The following SOD2 variants were observed in gnomAD, a reference collection of about 807,000 sequenced individuals.
SOD2 encodes the protein superoxide dismutase 2, also known as superoxide dismutase [Mn], mitochondrial.
A neutral mutation model predicts 27.0 loss-of-function variants in SOD2; 11 were observed. The ratio of observed to expected loss-of-function variants is 0.41; its 90% CI spans 0.26 to 0.67. The LOEUF is 0.67. SOD2 is among the 30% of genes least tolerant of loss of function. The probability of loss-of-function intolerance (pLI) is 0.34; values close to 1 mark genes in which losing one functional copy is unlikely to be tolerated. For missense variants in SOD2, 250 were observed against 274.5 expected (o/e 0.91, Z 0.63); for synonymous variants, 105 against 103.0 (o/e 1.02, Z -0.12).
chr6:159,741,171 T>C (rs1228100610), intron 1 of SOD2, among the ~76,000 whole-genome samples: 3 of 152,176 alleles, frequency 2.0e-5, no homozygotes, highest in Non-Finnish European at 4.4e-5. Flanking sequence ...AACTGCCTAA[T>C]AAGACTAGGA....
intron 1 of SOD2, among the ~76,000 whole-genome samples, chr6:159,710,672 C>G (rs1777717556): frequency 6.6e-6 from 1 of 151,816 alleles, no homozygotes; most frequent in African/African-American, 2.4e-5. Context: ...AGAACGTGGT[C>G]ATATCCCCTC....
At chr6:159,713,535 T>C in intron 1 of SOD2, 1 of 710,630 alleles carries the variant, frequency 1.4e-6, no homozygotes. Context: ...GCACAAAGGC[T>C]TCCCCTGTGC....
exon 1 of SOD2, chr6:159,761,888 CGCCCCGCG>C: frequency 3.0e-6 from 1 of 338,370 alleles, no homozygotes; most frequent in Middle Eastern, 9.1e-4. Flanking sequence ...CCGCGCCCCG[CGCCCCGCG>C]CGCCTCCGCC....
At chr6:159,730,349 A>G (rs1264137190), upstream of SOD2, among the ~76,000 whole-genome samples, 1 of 152,200 alleles carries the variant, frequency 6.6e-6, no homozygotes. Context: ...TTTTTCTGAT[A>G]CGAGAATAGA....
upstream of SOD2, among the ~76,000 whole-genome samples, chr6:159,746,009 AT>A (rs1779555179): frequency 6.6e-6 from 1 of 152,206 alleles, no homozygotes; most frequent in African/African-American, 2.4e-5. Context: ...CAAAGATCAA[AT>A]TTTAAAAGAA....
chr6:159,735,722 C>G (rs1020333285), intron 1 of SOD2, among the ~76,000 whole-genome samples: 1 of 152,016 alleles, frequency 6.6e-6, no homozygotes, highest in African/African-American at 2.4e-5. Context: ...GCACTCCATC[C>G]TGGGCGACAG....
At chr6:159,717,937 A>G (rs951824585) in intron 1 of SOD2, among the ~76,000 whole-genome samples, 2 of 150,612 alleles carry the variant, frequency 1.3e-5, no homozygotes, top group Admixed American at 6.6e-5. Flanking sequence ...GTATATGTGT[A>G]TATATATATA....
At chr6:159,746,749 A>G (rs138686774), upstream of SOD2, among the ~76,000 whole-genome samples, 2 of 152,176 alleles carry the variant, frequency 1.3e-5, no homozygotes, top group African/African-American at 4.8e-5. Flanking sequence ...TCTTTTGCCA[A>G]TCAACTCAAA....
At position 159,679,234 on chromosome 6, in the gene SOD2, T is replaced by G. The variant is rs1429769450; in HGVS notation, c.*3259A>C. The G allele has an allele frequency of 6.6e-6, 1 of 152,248 alleles. No homozygotes were observed. The highest frequency in any genetic ancestry group is 1.9e-4 in the East Asian group (1 of 5,204). The allele number at this position is 152,248 out of a possible 1,614,324, so 9.4% of individuals were successfully genotyped here. On this transcript the variant is annotated 3_prime_UTR_variant, in exon 5 of 5. Transcript: ENST00000538183. ...CCAGGACCTTATAGGGTTTTCAGTA[T>G]GTACCAGGCTTGATGCACATCTTAG...
chr6:159,685,219 CTTTTTTT>C (rs750824041), intron 3 of SOD2, among the ~76,000 whole-genome samples, 186 bp from the exon 4 acceptor site: 2,115 of 74,012 alleles, frequency 0.029, 30 homozygotes, highest in Middle Eastern at 0.12. Flanking sequence ...ATAACTTCAA[CTTTTTTT>C]TTTTTTTTTT....
rs1779748905 is a variant in SOD2, at chr6:159,675,135, A to G, written c.*7358T>C. 1 of 152,208 alleles carries G rather than the reference A, an allele frequency of 6.6e-6. No homozygotes were observed. The highest frequency in any genetic ancestry group is 1.5e-5 in the Non-Finnish European group (1 of 68,048). The allele number at this position is 152,208 out of a possible 1,614,324, so 9.4% of individuals were successfully genotyped here. A position where few individuals can be genotyped will look rare whatever the true frequency, so the allele number is the denominator to read the frequency against. ...ATGGAAGAACATTCCATGCTCATGGATAGGAAGAATCAATATCGTGAAAAT... is the reference window on the plus strand; with the variant it reads ...ATGGAAGAACATTCCATGCTCATGGGTAGGAAGAATCAATATCGTGAAAAT... On this transcript the variant is annotated 3_prime_UTR_variant, in exon 5 of 5. Transcript: ENST00000538183.
chr6:159,689,640 C>A (rs1780355321), intron 2 of SOD2, among the ~76,000 whole-genome samples: 1 of 152,222 alleles, frequency 6.6e-6, no homozygotes, highest in Admixed American at 6.5e-5. Flanking sequence ...AAGTTCTCAA[C>A]TGCTGTTCTG....
upstream of SOD2, among the ~76,000 whole-genome samples, chr6:159,745,494 T>G (rs1779522910): frequency 1.3e-5 from 2 of 152,134 alleles, no homozygotes; most frequent in Non-Finnish European, 2.9e-5. Context: ...CAACTTCCTG[T>G]TCTTCCAATT....
At position 159,685,012 on chromosome 6, in the gene SOD2, T is replaced by C. The variant is rs756111347; in HGVS notation, c.365A>G (p.Lys122Arg). ...CTTGTCAAAGGAACCAAAGTCACGT[T>C]TGATGGCTTCCAGCAACTCCCCTAT... is the stretch of plus-strand genomic sequence containing the variant. Reference protein sequence around the residue: ...EPKGELLEAIKRDFGSFDKFK... With the variant: ...EPKGELLEAIRRDFGSFDKFK... Residue 122 changes from lysine (K) to arginine (R), a missense_variant, in exon 4 of 5, where the codon AAA (lysine) becomes AGA (arginine). By Grantham distance (26) the Lys-to-Arg change is conservative. Coordinates refer to ENST00000538183, the MANE Select transcript of SOD2 (RefSeq NM_000636.4). 3 of 1,606,384 alleles carry C rather than the reference T, an allele frequency of 1.9e-6. No homozygotes were observed. Among genetic ancestry groups the C allele is most frequent in the Admixed American group, 3.4e-5 (2 of 58,644 alleles).
upstream of SOD2, chr6:159,748,101 G>C: frequency 6.9e-7 from 1 of 1,455,848 alleles, no homozygotes; most frequent in Non-Finnish European, 9.3e-7. This position sits in a 1 kb window ranked among gnomAD's most constrained non-coding sequence, Gnocchi z 5.6. Context: ...TGAAAGAGTT[G>C]GTAAATCAAG....
At position 159,678,118 on chromosome 6, in the gene SOD2, A is replaced by T. The variant is rs1465514523; in HGVS notation, c.*4375T>A. On this transcript the variant is annotated 3_prime_UTR_variant, in exon 5 of 5. Coordinates refer to ENST00000538183, the MANE Select transcript of SOD2 (RefSeq NM_000636.4). ...GTAAAACCCCAAAGGGTCGGGGTCC[A>T]GATGAGCTTCTGGGTAGCTGATGAC... is the stretch of plus-strand genomic sequence containing the variant. The T allele has an allele frequency of 6.6e-6, 1 of 152,258 alleles. No individual in the cohort carries two copies. The highest frequency in any genetic ancestry group is 2.4e-5 in the African/African-American group (1 of 41,454). The allele number at this position is 152,258 out of a possible 1,614,324, so 9.4% of individuals were successfully genotyped here. A position where few individuals can be genotyped will look rare whatever the true frequency, so the allele number is the denominator to read the frequency against.
At chr6:159,741,108 G>T (rs1432848072) in intron 1 of SOD2, among the ~76,000 whole-genome samples, 1 of 152,116 alleles carries the variant, frequency 6.6e-6, no homozygotes, top group African/African-American at 2.4e-5. Flanking sequence ...TGAAAACATG[G>T]CTCTTAAGTA....
intron 1 of SOD2, among the ~76,000 whole-genome samples, chr6:159,738,407 T>C (rs1213154894): frequency 6.6e-6 from 1 of 152,230 alleles, no homozygotes; most frequent in Non-Finnish European, 1.5e-5. Flanking sequence ...AATTGTTTCA[T>C]GTATCAGTAG....
At chr6:159,706,416 G>A (rs949770992) in intron 1 of SOD2, among the ~76,000 whole-genome samples, 26 of 152,180 alleles carry the variant, frequency 1.7e-4, no homozygotes, top group African/African-American at 5.8e-4. Context: ...TAAAGGGATG[G>A]AGGAAGATCT....
Sources: gnomAD v4.1 joint callset for allele counts (sites outside exome capture counted in the v4.1 genomes callset) on GRCh38, gnomAD v4.1.1 for gene constraint, Gnocchi (gnomAD v3.1) non-coding constraint, MANE v1.5 for transcripts, NCBI Gene and HGNC (gene_info 2026-07-23, HGNC 2026-07-21) for gene names.